EBF1: variants seen among roughly 807,000 people sequenced by gnomAD.
EBF1 encodes the protein transcription factor COE1.
A neutral mutation model predicts 68.4 loss-of-function variants in EBF1; 10 were observed. The observed-to-expected ratio is 0.15, with a 90% CI of 0.09 to 0.25. EBF1 has a LOEUF of 0.25. Ranked by LOEUF, EBF1 falls within the 10% of genes least tolerant of loss-of-function variation. The probability of loss-of-function intolerance (pLI) is 1.00; values close to 1 mark genes in which losing one functional copy is unlikely to be tolerated. For synonymous variants in EBF1, 298 were observed against 299.8 expected, an observed-to-expected ratio of 0.99 and a Z score of 0.06; for missense variants, 509 against 794.4, an observed-to-expected ratio of 0.64 and a Z score of 4.32.
intron 10 of EBF1, among the ~76,000 whole-genome samples, chr5:158,754,169 C>T (rs1240476111): frequency 6.6e-6 from 1 of 152,046 alleles, no homozygotes; most frequent in Non-Finnish European, 1.5e-5. Flanking sequence ...CATATTACTG[C>T]ATGAAGCTCT....
intron 6 of EBF1, among the ~76,000 whole-genome samples, chr5:158,905,875 G>A (rs1177444127): frequency 6.6e-6 from 1 of 152,178 alleles, no homozygotes; most frequent in Non-Finnish European, 1.5e-5. Context: ...GCCCCACTTA[G>A]TGGGTAGCAG....
intron 6 of EBF1, among the ~76,000 whole-genome samples, chr5:158,978,835 C>CACACACACAGAGAGAG (rs753714441): frequency 3.9e-4 from 57 of 147,044 alleles, no homozygotes; most frequent in African/African-American, 1.4e-3. Context: ...CACACACACA[C>CACACACACAGAGAGAG]AGAGAGAGAG....
chr5:158,750,789 T>TA (rs920847537), intron 10 of EBF1, among the ~76,000 whole-genome samples: 40 of 151,594 alleles, frequency 2.6e-4, no homozygotes, highest in East Asian at 1.7e-3. Flanking sequence ...TTAGGGCATT[T>TA]AAAAAAAAAT....
At chr5:158,929,210 T>C (rs2127432823) in intron 6 of EBF1, among the ~76,000 whole-genome samples, 1 of 152,324 alleles carries the variant, frequency 6.6e-6, no homozygotes, top group South Asian at 2.1e-4. Context: ...AGCGTCCTGG[T>C]CCACAGATGA....
intron 6 of EBF1, among the ~76,000 whole-genome samples, chr5:158,914,274 T>C (rs1336013129): frequency 6.6e-6 from 1 of 152,178 alleles, no homozygotes; most frequent in Non-Finnish European, 1.5e-5. Flanking sequence ...AAGGTGCTTA[T>C]TAATATCATG....
At chr5:158,770,737 G>T (rs1773703058) in intron 10 of EBF1, among the ~76,000 whole-genome samples, 1 of 152,012 alleles carries the variant, frequency 6.6e-6, no homozygotes, top group Non-Finnish European at 1.5e-5. Context: ...TGGTTGTTGG[G>T]TTAGCTCTTT....
chr5:158,860,457 T>C (rs1794772273), intron 6 of EBF1, among the ~76,000 whole-genome samples: 1 of 152,186 alleles, frequency 6.6e-6, no homozygotes, highest in Non-Finnish European at 1.5e-5. Context: ...GACATAAGAA[T>C]GCAGATCTGG....
At chr5:158,769,702 C>G (rs1481201451) in intron 10 of EBF1, among the ~76,000 whole-genome samples, 2 of 151,746 alleles carry the variant, frequency 1.3e-5, no homozygotes, top group Admixed American at 1.3e-4. Flanking sequence ...TACATCTGAT[C>G]AGGGAAAAAT....
intron 8 of EBF1, 67 bp downstream of exon 8, chr5:158,823,109 G>A: frequency 6.2e-7 from 1 of 1,604,330 alleles, no homozygotes; most frequent in East Asian, 2.2e-5. Context: ...TGGTGGAGTG[G>A]AAGAAAGAAA....
At chr5:158,979,207 TG>T (rs1561691349) in intron 6 of EBF1, among the ~76,000 whole-genome samples, 1 of 152,228 alleles carries the variant, frequency 6.6e-6, no homozygotes, top group African/African-American at 2.4e-5. Context: ...TATATGAAAG[TG>T]GATGTCAGAA....
intron 15 of EBF1, among the ~76,000 whole-genome samples, chr5:158,702,110 G>T (rs1481350262): frequency 6.6e-6 from 1 of 152,160 alleles, no homozygotes; most frequent in South Asian, 2.1e-4. Context: ...GAACCCTTGC[G>T]GTTGAGTAAA....
chr5:158,866,817 G>GTATATATATGTATATGTATATATATATA (rs1795949523), intron 6 of EBF1, among the ~76,000 whole-genome samples: 1 of 102,140 alleles, frequency 9.8e-6, no homozygotes, highest in Non-Finnish European at 1.9e-5. Flanking sequence ...AGTAATATAT[G>GTATATATATGTATATGTATATATATATA]TATATATATG....
In EBF1 at chr5:158,956,028, A is replaced by ATGTGTG. The variant is rs56311243; in HGVS notation, c.555-115924_555-115919dup. Among the ~76,000 whole-genome samples, 501 of 141,138 alleles carry ATGTGTG rather than the reference A, an allele frequency of 3.5e-3. 1 individual carries two copies. The highest frequency in any genetic ancestry group is 0.018 in the East Asian group (86 of 4,710). 92.6% of individuals were successfully genotyped at this position (141,138 alleles called of 152,430 possible). On this transcript the variant is annotated intron_variant, in intron 6 of 15. Transcript: ENST00000313708. ...TACTGCATTAATTAAATAAATATAAATGTGTGTGTGTGTGTGTGTGTGTGT... is the reference window on the plus strand; with the variant it reads ...TACTGCATTAATTAAATAAATATAAATGTGTGTGTGTGTGTGTGTGTGTGTGTGTGT...
chr5:158,979,526 G>C (rs986706035), intron 6 of EBF1, among the ~76,000 whole-genome samples: 3 of 151,912 alleles, frequency 2.0e-5, no homozygotes, highest in African/African-American at 7.3e-5. Context: ...GATTTTTCCC[G>C]GCACTAATGC....
intron 9 of EBF1, among the ~76,000 whole-genome samples, chr5:158,791,903 C>T: frequency 6.6e-6 from 1 of 152,176 alleles, no homozygotes; most frequent in Non-Finnish European, 1.5e-5. Context: ...TGGTACCTAT[C>T]CCAGTGCTAG....
chr5:158,868,916 T>C (rs1004967786), intron 6 of EBF1, among the ~76,000 whole-genome samples: 60 of 152,180 alleles, frequency 3.9e-4, no homozygotes, highest in Non-Finnish European at 7.8e-4. Context: ...AATGACTTCA[T>C]AGAATCAACT....
At chr5:158,834,525 G>T (rs971630169) in intron 7 of EBF1, among the ~76,000 whole-genome samples, 1 of 151,556 alleles carries the variant, frequency 6.6e-6, no homozygotes, top group Non-Finnish European at 1.5e-5. Flanking sequence ...AAAAAACATT[G>T]TGCCAGATTT....
At chr5:159,016,202 C>A (rs1765590018) in intron 6 of EBF1, among the ~76,000 whole-genome samples, 1 of 152,136 alleles carries the variant, frequency 6.6e-6, no homozygotes, top group Non-Finnish European at 1.5e-5. Context: ...AGAACCTAGT[C>A]CCTAGAAAGT....
At chr5:159,042,808 C>A (rs1342705540) in intron 6 of EBF1, among the ~76,000 whole-genome samples, 1 of 150,860 alleles carries the variant, frequency 6.6e-6, no homozygotes, top group Non-Finnish European at 1.5e-5. Context: ...GTTTGGATGA[C>A]TTTATAGCAT....
Sources: allele counts gnomAD v4.1 joint callset (sites outside exome capture counted in the v4.1 genomes callset), GRCh38; gene constraint gnomAD v4.1.1; transcripts MANE v1.5; gene names NCBI Gene and HGNC (gene_info 2026-07-23, HGNC 2026-07-21).